The following HS3ST5 variants were observed in gnomAD, a reference collection of about 807,000 sequenced individuals.
The protein encoded by HS3ST5 is heparan sulfate-glucosamine 3-sulfotransferase 5, also known as heparan sulfate glucosamine 3-O-sulfotransferase 5.
A neutral mutation model predicts 25.4 loss-of-function variants in HS3ST5; 10 were observed. That is an observed-to-expected ratio of 0.39 (90% CI 0.24 to 0.67). The LOEUF (loss-of-function observed/expected upper bound fraction) is 0.67. Among genes scored for constraint, HS3ST5 ranks in the 30% least tolerant of loss-of-function variants. HS3ST5 has a pLI of 0.44. For synonymous variants in HS3ST5, 170 were observed against 162.4 expected (o/e 1.05, Z -0.36); for missense variants, 324 against 420.7 (o/e 0.77, Z 2.01).
chr6:114,093,311 A>G (rs1015191185), intron 3 of HS3ST5, among the ~76,000 whole-genome samples: 1 of 151,360 alleles, frequency 6.6e-6, no homozygotes, highest in Non-Finnish European at 1.5e-5. Flanking sequence ...ATTCATCCCT[A>G]TAAGGCCTGA....
chr6:114,058,943 A>G (rs1772938170), intron 4 of HS3ST5: 3 of 152,274 alleles, frequency 2.0e-5, no homozygotes, highest in African/African-American at 7.2e-5. Flanking sequence ...CCAGGCATCA[A>G]CAAGACCTTG....
intron 3 of HS3ST5, among the ~76,000 whole-genome samples, chr6:114,138,355 C>G (rs2114926732): frequency 6.6e-6 from 1 of 152,252 alleles, no homozygotes; most frequent in Middle Eastern, 3.4e-3. Context: ...TACTATGGTA[C>G]TAGCATAATT....
At chr6:114,319,657 T>C (rs1440472710) in intron 1 of HS3ST5, among the ~76,000 whole-genome samples, 1 of 152,166 alleles carries the variant, frequency 6.6e-6, no homozygotes, top group East Asian at 1.9e-4. Flanking sequence ...AACCATTTCA[T>C]ATTTTAAAGT....
chr6:114,225,413 T>C (rs978868267), intron 2 of HS3ST5, among the ~76,000 whole-genome samples: 3 of 151,976 alleles, frequency 2.0e-5, no homozygotes, highest in Non-Finnish European at 4.4e-5. Context: ...GTTAGACTTA[T>C]CATTTTAGGG....
chr6:114,058,170 A>G lies in HS3ST5; in HGVS notation c.128T>C (p.Ile43Thr), dbSNP rs191330212. 26 of 1,605,924 alleles carry G rather than the reference A, an allele frequency of 1.6e-5. No individual in the cohort carries two copies. The East Asian group carries it at 4.3e-4, about 26-fold the overall frequency. Residue 43 changes from isoleucine to threonine, a missense_variant, in exon 5 of 5, where the codon ATT (isoleucine) becomes ACT (threonine). Coordinates refer to ENST00000312719, the MANE Select transcript of HS3ST5 (RefSeq NM_153612.4). Reference protein sequence around the residue: ...SLDRLQPICPIEGRLGGARTQ... With the variant: ...SLDRLQPICPTEGRLGGARTQ... ...GCGGGCTCCACCCAGTCGACCTTCA[A>G]TGGGGCAAATGGGTTGTAGCCTGCA...
intron 1 of HS3ST5, among the ~76,000 whole-genome samples, chr6:114,288,518 A>G (rs1428957815): frequency 1.3e-5 from 2 of 152,032 alleles, no homozygotes; most frequent in Admixed American, 1.3e-4. Flanking sequence ...ACATAAGAAC[A>G]TAAGAGACTT....
At chr6:114,324,179 A>G (rs534579838) in intron 1 of HS3ST5, among the ~76,000 whole-genome samples, 2 of 152,368 alleles carry the variant, frequency 1.3e-5, no homozygotes, top group African/African-American at 2.4e-5. Context: ...CTTTTAGACA[A>G]CAGGGCTGCC....
chr6:114,212,944 T>C (rs930720124), intron 2 of HS3ST5, among the ~76,000 whole-genome samples: 1 of 152,192 alleles, frequency 6.6e-6, no homozygotes, highest in African/African-American at 2.4e-5. Context: ...CTTTGCTGTC[T>C]GCAAATGGCT....
At chr6:114,283,642 A>T (rs150829245) in intron 1 of HS3ST5, among the ~76,000 whole-genome samples, 1 of 151,904 alleles carries the variant, frequency 6.6e-6, no homozygotes, top group African/African-American at 2.4e-5. Context: ...CAGTCAAATT[A>T]TCTTCCATTC....
At chr6:114,087,653 A>G (rs533282106) in intron 3 of HS3ST5, among the ~76,000 whole-genome samples, 4 of 152,302 alleles carry the variant, frequency 2.6e-5, no homozygotes, top group South Asian at 4.1e-4. Flanking sequence ...GAATAGTTCT[A>G]TTTTTTTAAA....
At chr6:114,185,740 T>C (rs1192592490) in intron 2 of HS3ST5, among the ~76,000 whole-genome samples, 3 of 151,118 alleles carry the variant, frequency 2.0e-5, no homozygotes, top group Admixed American at 2.0e-4. Context: ...TTTCTTTCTT[T>C]CTTTTTTTTT....
intron 2 of HS3ST5, among the ~76,000 whole-genome samples, chr6:114,181,616 C>A (rs1562228513): frequency 6.6e-6 from 1 of 152,140 alleles, no homozygotes; most frequent in Admixed American, 6.5e-5. Context: ...TTGTTAGTAA[C>A]AACAGCCTTG....
chr6:114,155,054 C>A (rs1448409127), intron 3 of HS3ST5, among the ~76,000 whole-genome samples: 1 of 152,200 alleles, frequency 6.6e-6, no homozygotes, highest in African/African-American at 2.4e-5. Context: ...ATTGACCCAG[C>A]ACGGAGAGGC....
At chr6:114,091,577 C>T (rs868187930) in intron 3 of HS3ST5, among the ~76,000 whole-genome samples, 7 of 151,594 alleles carry the variant, frequency 4.6e-5, no homozygotes, top group African/African-American at 1.2e-4. Flanking sequence ...CCAGCTACTC[C>T]GGAGGCTGAG....
intron 2 of HS3ST5, among the ~76,000 whole-genome samples, chr6:114,180,538 G>T (rs1211426096): frequency 6.6e-6 from 1 of 152,110 alleles, no homozygotes; most frequent in Non-Finnish European, 1.5e-5. Context: ...CAGACTGAAG[G>T]CTGCACTGTC....
At chr6:114,182,407 C>G (rs1189344438) in intron 2 of HS3ST5, among the ~76,000 whole-genome samples, 1 of 152,152 alleles carries the variant, frequency 6.6e-6, no homozygotes, top group African/African-American at 2.4e-5. Flanking sequence ...GGAAAAAATT[C>G]TAGAGAATAG....
chr6:114,213,109 AG>A (rs374147031), intron 2 of HS3ST5, among the ~76,000 whole-genome samples: 112 of 152,168 alleles, frequency 7.4e-4, no homozygotes, highest in African/African-American at 2.6e-3. Flanking sequence ...AGAGCTAGAA[AG>A]GGGATGGATT....
intron 2 of HS3ST5, among the ~76,000 whole-genome samples, chr6:114,215,329 A>G (rs533004118): frequency 6.6e-6 from 1 of 152,028 alleles, no homozygotes; most frequent in East Asian, 1.9e-4. Flanking sequence ...CAAACAAGAA[A>G]CAACAGCAAC....
intron 1 of HS3ST5, among the ~76,000 whole-genome samples, chr6:114,305,060 A>C (rs1465577371): frequency 6.6e-6 from 1 of 152,148 alleles, no homozygotes; most frequent in Non-Finnish European, 1.5e-5. Flanking sequence ...ACTCTATTAC[A>C]TTAAAATTCA....
Sources: allele counts gnomAD v4.1 joint callset (sites outside exome capture counted in the v4.1 genomes callset), GRCh38; gene constraint gnomAD v4.1.1; transcripts MANE v1.5; gene names NCBI Gene and HGNC (gene_info 2026-07-23, HGNC 2026-07-21).